Variants in MAML3 observed in about 807,000 individuals in gnomAD.
The protein encoded by MAML3 is mastermind like transcriptional coactivator 3.
MAML3 carries 27 observed loss-of-function variants against 101.9 expected under a neutral mutation model. That is an observed-to-expected ratio of 0.27 (90% confidence interval 0.20 to 0.37). The LOEUF (loss-of-function observed/expected upper bound fraction) is 0.37, where lower values mean the gene tolerates loss of function less well. Ranked by LOEUF, MAML3 falls within the 10% of genes least tolerant of loss-of-function variation. MAML3 has a pLI of 1.00. For synonymous variants in MAML3, 501 were observed against 555.9 expected (o/e 0.90, Z 1.39); for missense variants, 1,316 against 1,444.9 (o/e 0.91, Z 1.45).
At chr4:139,966,236 G>C (rs1734128253) in intron 1 of MAML3, among the ~76,000 whole-genome samples, 1 of 152,066 alleles carries the variant, frequency 6.6e-6, no homozygotes, top group South Asian at 2.1e-4. Context: ...ATGTGTACCT[G>C]TTAACTCTTC....
At chr4:139,885,932 C>CAAAAAAAAAAAAAAAAAAAAAAAA (rs1182443191) in intron 2 of MAML3, among the ~76,000 whole-genome samples, 3 of 20,302 alleles carry the variant, frequency 1.5e-4, no homozygotes, top group African/African-American at 4.0e-4. Context: ...GACTCCGTCT[C>CAAAAAAAAAAAAAAAAAAAAAAAA]AAAAAAAAAA....
chr4:139,732,309 G>A (rs531885791), intron 2 of MAML3, among the ~76,000 whole-genome samples: 14 of 152,244 alleles, frequency 9.2e-5, no homozygotes, highest in African/African-American at 2.9e-4. Context: ...TATGGCTTGG[G>A]CTTGTGTTCC....
chr4:140,111,411 G>A (rs949146091), intron 1 of MAML3, among the ~76,000 whole-genome samples: 1 of 152,178 alleles, frequency 6.6e-6, no homozygotes, highest in African/African-American at 2.4e-5. Context: ...ATAGAGATGC[G>A]TGCAAACACA....
At chr4:140,120,077 A>G (rs1330588729) in intron 1 of MAML3, among the ~76,000 whole-genome samples, 2 of 151,992 alleles carry the variant, frequency 1.3e-5, no homozygotes, top group East Asian at 3.9e-4. Flanking sequence ...CTCTACTAAA[A>G]ATACAAAAAA....
chr4:139,829,060 AGAAG>A (rs1427228035), intron 2 of MAML3, among the ~76,000 whole-genome samples: 12 of 145,248 alleles, frequency 8.3e-5, no homozygotes, highest in African/African-American at 2.6e-4. Flanking sequence ...GAGGAAGGAA[AGAAG>A]GAAGGAAGGA....
At chr4:139,777,692 C>G (rs916224990) in intron 2 of MAML3, among the ~76,000 whole-genome samples, 1 of 152,156 alleles carries the variant, frequency 6.6e-6, no homozygotes, top group African/African-American at 2.4e-5. Context: ...GTGCCCAGCC[C>G]GGGTGCTTTT....
At chr4:139,867,082 C>T (rs1731912007) in intron 2 of MAML3, among the ~76,000 whole-genome samples, 1 of 152,166 alleles carries the variant, frequency 6.6e-6, no homozygotes, top group African/African-American at 2.4e-5. Flanking sequence ...TAAATAAAGT[C>T]AGTTTTTGTA....
At chr4:140,086,091 G>A (rs1224763964) in intron 1 of MAML3, among the ~76,000 whole-genome samples, 2 of 152,164 alleles carry the variant, frequency 1.3e-5, no homozygotes, top group Non-Finnish European at 2.9e-5. Flanking sequence ...CTAAGAAATG[G>A]CTCTTACAGG....
At chr4:139,737,655 A>G (rs535212728) in intron 2 of MAML3, among the ~76,000 whole-genome samples, 6 of 152,370 alleles carry the variant, frequency 3.9e-5, no homozygotes, top group East Asian at 3.8e-4. Flanking sequence ...TCATTCAACC[A>G]TAAGTGGAAG....
intron 1 of MAML3, among the ~76,000 whole-genome samples, chr4:140,043,015 C>T (rs1727113011): frequency 6.6e-6 from 1 of 152,060 alleles, no homozygotes; most frequent in Non-Finnish European, 1.5e-5. Context: ...GGACCCAAAT[C>T]TGATTTTTTT....
chr4:139,867,939 G>A (rs185997677), intron 2 of MAML3, among the ~76,000 whole-genome samples: 1 of 152,172 alleles, frequency 6.6e-6, no homozygotes, highest in Admixed American at 6.5e-5. Flanking sequence ...CTGGGTCTTT[G>A]CTTCAGCATA....
At chr4:139,903,178 G>A (rs1732759344) in intron 1 of MAML3, among the ~76,000 whole-genome samples, 1 of 152,132 alleles carries the variant, frequency 6.6e-6, no homozygotes, top group South Asian at 2.1e-4. Flanking sequence ...TTTAGAAATG[G>A]CGTCTTGTTC....
At chr4:139,939,415 C>A (rs576689461) in intron 1 of MAML3, among the ~76,000 whole-genome samples, 1 of 152,234 alleles carries the variant, frequency 6.6e-6, no homozygotes, top group East Asian at 1.9e-4. Flanking sequence ...CTTCTGGGCA[C>A]TCCTTGGATT....
At chr4:140,148,277 T>A (rs1311935502) in intron 1 of MAML3, among the ~76,000 whole-genome samples, 1 of 152,184 alleles carries the variant, frequency 6.6e-6, no homozygotes, top group African/African-American at 2.4e-5. Context: ...TGAAGAGCAT[T>A]TTGTAGATTA....
At position 139,889,627 on chromosome 4, in the gene MAML3, T is replaced by G; in HGVS notation, c.1809A>C (p.Lys603Asn). The change falls in exon 2 of 5, where the codon AAA (lysine) becomes AAC (asparagine). Residue 603 changes from lysine to asparagine, a missense_variant. Physicochemically the swap from Lys to Asn is moderately conservative, Grantham distance 94 (BLOSUM62 0). Transcript: ENST00000509479. ...QHNILTYGNT[K>N]PLTHFNADLS... ...GGTCTGCATTGAAGTGGGTCAGGGG[T>G]TTAGTGTTGCCATAAGTCAGAATAT... The G allele has an allele frequency of 6.2e-7, 1 of 1,613,886 alleles. No individual in the cohort carries two copies. The highest frequency in any genetic ancestry group is 8.5e-7 in the Non-Finnish European group (1 of 1,179,882).
intron 2 of MAML3, among the ~76,000 whole-genome samples, chr4:139,839,379 C>T (rs754351382): frequency 2.0e-5 from 3 of 152,106 alleles, no homozygotes; most frequent in African/African-American, 7.2e-5. Flanking sequence ...GGATCAATTG[C>T]TTTTGCCATG....
chr4:139,911,125 T>C (rs1732912335), intron 1 of MAML3, among the ~76,000 whole-genome samples: 1 of 152,202 alleles, frequency 6.6e-6, no homozygotes, highest in African/African-American at 2.4e-5. Context: ...GTACCTCACA[T>C]AAGTGGAATC....
Position 139,718,924 on chromosome 4 carries a change from G to T in MAML3, c.*399C>A, listed in dbSNP as rs760349001. On this transcript the variant is annotated 3_prime_UTR_variant, in exon 5 of 5. Coordinates refer to ENST00000509479, the MANE Select transcript of MAML3 (RefSeq NM_018717.5). Reference sequence around the variant, plus strand: ...CTGTCTCTTTTGTGTCTCCAAAGCTGCTGTCTCCCGACCTGGGGCAGGAGG... The same window carrying T: ...CTGTCTCTTTTGTGTCTCCAAAGCTTCTGTCTCCCGACCTGGGGCAGGAGG... 11 of 178,304 alleles carry T rather than the reference G, an allele frequency of 6.2e-5. No individual in the cohort carries two copies. Among genetic ancestry groups the T allele is most frequent in the Admixed American group, 1.6e-4 (3 of 18,258 alleles). 11.0% of individuals were successfully genotyped at this position (178,304 alleles called of 1,614,324 possible).
chr4:140,018,269 A>T (rs1239905046), intron 1 of MAML3, among the ~76,000 whole-genome samples: 2 of 150,128 alleles, frequency 1.3e-5, no homozygotes, highest in African/African-American at 2.4e-5. Flanking sequence ...TAATAAAAAA[A>T]CCAAAACCCT....
Sources: gnomAD v4.1 joint callset for allele counts (sites outside exome capture counted in the v4.1 genomes callset) on GRCh38, gnomAD v4.1.1 for gene constraint, MANE v1.5 for transcripts, NCBI Gene and HGNC (gene_info 2026-07-23, HGNC 2026-07-21) for gene names.